The following SLC12A9 variants were observed in gnomAD, a reference collection of about 807,000 sequenced individuals.
The protein encoded by SLC12A9 is CCC-interacting protein 1.
SLC12A9 carries 55 observed loss-of-function variants against 66.0 expected under a neutral mutation model. The observed-to-expected ratio is 0.83, with a 90% CI of 0.67 to 1.04. The LOEUF (loss-of-function observed/expected upper bound fraction) is 1.04, where lower values mean the gene tolerates loss of function less well. Ranked by LOEUF, SLC12A9 falls within the 50% of genes least tolerant of loss-of-function variation. The probability of loss-of-function intolerance (pLI) is 0.00; values close to 1 mark genes in which losing one functional copy is unlikely to be tolerated. For missense variants in SLC12A9, 1,061 were observed against 1,241.9 expected (o/e 0.85, Z 2.19); for synonymous variants, 577 against 569.0 (o/e 1.01, Z -0.20).
chr7:100,865,178 A>C (rs1584712064), intron 13 of SLC12A9: 1 of 1,355,314 alleles, frequency 7.4e-7, no homozygotes, highest in Non-Finnish European at 1.0e-6. Flanking sequence ...GGCTGGTCTC[A>C]AACTCCTGAT....
chr7:100,864,783 T>C (rs1814976989), intron 13 of SLC12A9, among the ~76,000 whole-genome samples: 1 of 152,160 alleles, frequency 6.6e-6, no homozygotes, highest in South Asian at 2.1e-4. Flanking sequence ...AGACTAAATA[T>C]TACCTACCTC....
At chr7:100,832,193 C>G (rs192523347) in intron 1 of SLC12A9, among the ~76,000 whole-genome samples, 4 of 151,950 alleles carry the variant, frequency 2.6e-5, no homozygotes, top group African/African-American at 7.3e-5. Flanking sequence ...AGCGAGACTC[C>G]GTCCCACTCC....
At chr7:100,843,692 T>TC (rs985223470) in intron 1 of SLC12A9, among the ~76,000 whole-genome samples, 3 of 151,930 alleles carry the variant, frequency 2.0e-5, no homozygotes, top group African/African-American at 7.3e-5. Flanking sequence ...GAATATAAAG[T>TC]CCCCCCATGC....
intron 1 of SLC12A9, among the ~76,000 whole-genome samples, chr7:100,844,728 G>A (rs539927420): frequency 6.6e-6 from 1 of 152,024 alleles, no homozygotes; most frequent in African/African-American, 2.4e-5. Flanking sequence ...CTTGATCCTC[G>A]CTAGAAAAAA....
intron 1 of SLC12A9, among the ~76,000 whole-genome samples, chr7:100,829,049 G>A (rs1351953026): frequency 1.3e-5 from 2 of 151,030 alleles, no homozygotes; most frequent in South Asian, 2.1e-4. Flanking sequence ...GTGCAGTGGC[G>A]TGATCTGGGC....
chr7:100,826,880 A>G (rs1487135865), exon 1 of SLC12A9: 1 of 1,240,860 alleles, frequency 8.1e-7, no homozygotes, highest in Non-Finnish European at 1.1e-6. Flanking sequence ...GTGCCCGGGT[A>G]GGGGTAGTCA....
intron 1 of SLC12A9, among the ~76,000 whole-genome samples, chr7:100,829,748 G>T (rs745875889): frequency 6.6e-6 from 1 of 152,174 alleles, no homozygotes; most frequent in Non-Finnish European, 1.5e-5. Flanking sequence ...ATGTCTTCTG[G>T]CTGGGGACAG....
At chr7:100,839,769 G>C (rs1813743515) in intron 1 of SLC12A9, among the ~76,000 whole-genome samples, 1 of 152,184 alleles carries the variant, frequency 6.6e-6, no homozygotes, top group Non-Finnish European at 1.5e-5. Context: ...CAGGCCAGGT[G>C]TGGTGCCTCA....
Position 100,861,469 on chromosome 7 carries a change from G to A in SLC12A9, c.1421G>A (p.Ser474Asn), listed in dbSNP as rs141205507. 193 of 1,613,774 alleles carry A rather than the reference G, an allele frequency of 1.2e-4. 1 individual carries two copies. The African/African-American group carries it at 1.9e-3, about 16-fold the overall frequency. Residue 474 changes from serine (S) to asparagine (N), a missense_variant, in exon 11 of 14, where the codon AGT becomes AAT. Ser to Asn is a conservative substitution (Grantham distance 46, BLOSUM62 1). Transcript: ENST00000354161. This position sits in a 1 kb window ranked among gnomAD's most constrained non-coding sequence, Gnocchi z 5.3. Reference protein sequence around the residue: ...ASCLLMMFLISPGAAGGSLLL... With the variant: ...ASCLLMMFLINPGAAGGSLLL... Reference sequence around the variant, plus strand: ...TGCCTGCTCATGATGTTCCTCATCAGTCCTGGCGCGGCTGGTGGCTCCCTG... The same window carrying A: ...TGCCTGCTCATGATGTTCCTCATCAATCCTGGCGCGGCTGGTGGCTCCCTG...
intron 1 of SLC12A9, chr7:100,837,370 C>G (rs776248470): frequency 5.3e-5 from 8 of 152,206 alleles, no homozygotes; most frequent in African/African-American, 1.9e-4. Context: ...ACGACCCGCC[C>G]GTAGCCACAC....
At position 100,833,518 on chromosome 7, in the gene SLC12A9, A is replaced by C. The variant is rs140345515; in HGVS notation, n.228+6471A>C. On this transcript the variant is annotated intron_variant and non_coding_transcript_variant, in intron 1 of 1. Transcript: ENST00000461016. ...AGCAAAAAAACAAAACAAAACAAAAAAAAACAGACAAGGTATGGTGGCTCA... is the reference window on the plus strand; with the variant it reads ...AGCAAAAAAACAAAACAAAACAAAACAAAACAGACAAGGTATGGTGGCTCA... 2.4e-3 allele frequency among the ~76,000 whole-genome samples: 363 copies of C among 151,688 alleles called. 2 individuals carry two copies. Among genetic ancestry groups the C allele is most frequent in the African/African-American group, 7.2e-3 (298 of 41,300 alleles).
rs547701449 is a variant in SLC12A9 at position 100,862,349 on chromosome 7, C to T, written c.1712-332C>T. On this transcript the variant is annotated intron_variant, in intron 12 of 13. Transcript: ENST00000354161. The stretch of plus-strand genomic sequence containing the variant: ...TCATAGTTCACTGCAGCCTCAACCT[C>T]TTGGGCTCAAGTAATCCTCCTGCCT... Among the ~76,000 whole-genome samples, 52 of 152,274 alleles carry T rather than the reference C, an allele frequency of 3.4e-4. 1 individual carries two copies. In the South Asian group the frequency reaches 9.7e-3, roughly 29 times the overall value.
chr7:100,854,314 C>G lies in SLC12A9; in HGVS notation c.117C>G (p.Thr39=). The G allele has an allele frequency of 6.2e-7, 1 of 1,608,164 alleles. No homozygotes were observed. Among genetic ancestry groups the G allele is most frequent in the Non-Finnish European group, 8.5e-7 (1 of 1,178,482 alleles). Residue 39 remains threonine, a synonymous_variant, in exon 2 of 14, where the codon ACC becomes ACG. Transcript: ENST00000354161. ...PGGASARKLS[T]FLGVVVPTVL... ...GGGCGTCTGCCCGGAAGCTGTCCAC[C>G]TTCCTGGGTGTGGTGGTGCCCACTG...
At chr7:100,850,878 C>T (rs1433451904), upstream of SLC12A9, among the ~76,000 whole-genome samples, 2 of 152,124 alleles carry the variant, frequency 1.3e-5, no homozygotes, top group African/African-American at 4.8e-5. Flanking sequence ...TGCCACCACG[C>T]CCAACTAATT....
chr7:100,856,622 C>T, intron 4 of SLC12A9: 2 of 477,690 alleles, frequency 4.2e-6, no homozygotes, highest in Non-Finnish European at 7.5e-6. Flanking sequence ...TCATGCGATT[C>T]TCCCACCTCA....
intron 1 of SLC12A9, among the ~76,000 whole-genome samples, chr7:100,843,225 G>T (rs1813824933): frequency 6.6e-6 from 1 of 152,208 alleles, no homozygotes; most frequent in South Asian, 2.1e-4. Flanking sequence ...ATAAGACATT[G>T]TAAAGCGAGA....
intron 1 of SLC12A9, among the ~76,000 whole-genome samples, chr7:100,846,494 G>A (rs1347050969): frequency 6.6e-6 from 1 of 151,982 alleles, no homozygotes; most frequent in African/African-American, 2.4e-5. Flanking sequence ...ATGAACCCAG[G>A]AGGCGGAGCT....
At chr7:100,839,705 T>TA (rs1457740459) in intron 1 of SLC12A9, among the ~76,000 whole-genome samples, 1 of 152,288 alleles carries the variant, frequency 6.6e-6, no homozygotes, top group Admixed American at 6.5e-5. Flanking sequence ...AACGGGCACT[T>TA]AGAGTCTGGA....
Position 100,861,747 on chromosome 7 carries a change from A to G in SLC12A9, c.1547A>G (p.Tyr516Cys). ...QALLFHQVRKYLLRLDVRKDH... is the reference protein window; with the variant it reads ...QALLFHQVRKCLLRLDVRKDH... ...CACCCCTATACCCAGGTGCGTAAGT[A>G]TCTGCTTCGGCTGGACGTCCGGAAG... Residue 516 changes from tyrosine to cysteine, a missense_variant, in exon 12 of 14, where the codon TAT (tyrosine) becomes TGT (cysteine). Coordinates refer to ENST00000354161, the MANE Select transcript of SLC12A9 (RefSeq NM_020246.4). This position sits in a 1 kb window ranked among gnomAD's most constrained non-coding sequence, Gnocchi z 5.3. The G allele has an allele frequency of 6.2e-7, 1 of 1,614,140 alleles. No individual in the cohort carries two copies. Among genetic ancestry groups the G allele is most frequent in the Non-Finnish European group, 8.5e-7 (1 of 1,180,016 alleles).
Sources: allele counts gnomAD v4.1 joint callset (sites outside exome capture counted in the v4.1 genomes callset), GRCh38; gene constraint gnomAD v4.1.1; non-coding constraint Gnocchi (gnomAD v3.1); transcripts MANE v1.5; gene names NCBI Gene and HGNC (gene_info 2026-07-23, HGNC 2026-07-21).